The following STK32B variants were observed in gnomAD, a reference collection of about 807,000 sequenced individuals.
STK32B encodes the protein serine/threonine-protein kinase 32B.
A neutral mutation model predicts 52.6 loss-of-function variants in STK32B; 43 were observed. The ratio of observed to expected loss-of-function variants is 0.82; its 90% CI spans 0.64 to 1.05. The LOEUF (loss-of-function observed/expected upper bound fraction) is 1.05, where lower values mean the gene tolerates loss of function less well. Ranked by LOEUF, STK32B falls within the 50% of genes least tolerant of loss-of-function variation. The pLI is 0.00. For synonymous variants in STK32B, 238 were observed against 204.3 expected (o/e 1.17, Z -1.41); for missense variants, 621 against 534.6 (o/e 1.16, Z -1.59).
chr4:5,444,607 C>G (rs1014789630), intron 6 of STK32B, among the ~76,000 whole-genome samples: 1 of 152,194 alleles, frequency 6.6e-6, no homozygotes, highest in Non-Finnish European at 1.5e-5. Context: ...TGTTCCTATT[C>G]GGCCATCTTG....
chr4:5,157,159 A>T (rs1402258123), intron 2 of STK32B, among the ~76,000 whole-genome samples: 2 of 152,150 alleles, frequency 1.3e-5, no homozygotes. Context: ...ATTCTTTTAG[A>T]ATCTTATTGA....
chr4:5,430,722 T>C (rs941242401), intron 6 of STK32B, among the ~76,000 whole-genome samples: 2 of 152,240 alleles, frequency 1.3e-5, no homozygotes, highest in Non-Finnish European at 1.5e-5. Context: ...GGAGGTAGCA[T>C]TGAGTCAATC....
intron 3 of STK32B, among the ~76,000 whole-genome samples, chr4:5,239,251 C>G (rs1418646920): frequency 6.6e-6 from 1 of 150,658 alleles, no homozygotes; most frequent in African/African-American, 2.5e-5. Flanking sequence ...TGAACTAGCA[C>G]AGAGAGATAT....
At chr4:5,198,829 G>T (rs1237192682) in intron 3 of STK32B, among the ~76,000 whole-genome samples, 1 of 152,168 alleles carries the variant, frequency 6.6e-6, no homozygotes. Flanking sequence ...CACTGGTTGT[G>T]TGGCAGTCAC....
intron 1 of STK32B, among the ~76,000 whole-genome samples, chr4:5,076,552 C>G (rs1186115950): frequency 6.6e-6 from 1 of 152,134 alleles, no homozygotes; most frequent in Admixed American, 6.5e-5. Flanking sequence ...CCCTTTATTG[C>G]TGATAAACAT....
intron 2 of STK32B, 43 bp from the exon 3 acceptor site, chr4:5,168,256 T>C: frequency 6.3e-7 from 1 of 1,581,746 alleles, no homozygotes; most frequent in Non-Finnish European, 8.6e-7. Context: ...GTCTCCCTTT[T>C]CGATTGTTGG....
At chr4:5,463,177 G>A (rs954126349) in intron 9 of STK32B, among the ~76,000 whole-genome samples, 1 of 152,210 alleles carries the variant, frequency 6.6e-6, no homozygotes, top group Non-Finnish European at 1.5e-5. Context: ...AAATATGCCC[G>A]CCTTCTTCAC....
chr4:5,044,325 T>C, the STK32B span, among the ~76,000 whole-genome samples: 1 of 152,076 alleles, frequency 6.6e-6, no homozygotes, highest in African/African-American at 2.4e-5. Context: ...TAATTCCTAT[T>C]GTCAACTTCT....
At chr4:5,108,089 C>G (rs1714204039) in intron 1 of STK32B, among the ~76,000 whole-genome samples, 1 of 152,152 alleles carries the variant, frequency 6.6e-6, no homozygotes, top group African/African-American at 2.4e-5. Context: ...CCTGATTTTA[C>G]CACCATTATT....
chr4:5,269,790 TC>T (rs1018855703), intron 3 of STK32B, among the ~76,000 whole-genome samples: 13 of 151,498 alleles, frequency 8.6e-5, no homozygotes, highest in African/African-American at 3.2e-4. Flanking sequence ...ATTCTATGAG[TC>T]TAACATTATG....
the STK32B span, among the ~76,000 whole-genome samples, chr4:5,043,099 C>T: frequency 1.0e-4 from 12 of 115,116 alleles, no homozygotes; most frequent in African/African-American, 3.5e-4. Context: ...GGCGACAGAG[C>T]GAGACTCCGT....
At chr4:5,316,979 T>G (rs1348477453) in intron 3 of STK32B, among the ~76,000 whole-genome samples, 1 of 24,850 alleles carries the variant, frequency 4.0e-5, no homozygotes, top group Non-Finnish European at 5.7e-5. Context: ...ATATATATAA[T>G]ATATAATATA....
At chr4:5,488,905 T>C (rs1358413369) in intron 11 of STK32B, among the ~76,000 whole-genome samples, 3 of 152,126 alleles carry the variant, frequency 2.0e-5, no homozygotes, top group Admixed American at 1.3e-4. Flanking sequence ...ATAAAGAATA[T>C]ATTTTATGTC....
intron 1 of STK32B, among the ~76,000 whole-genome samples, chr4:5,136,052 A>G (rs1489007096): frequency 2.0e-5 from 3 of 152,216 alleles, no homozygotes; most frequent in East Asian, 3.8e-4. Flanking sequence ...GAGGTGGTAC[A>G]CACTGATCTC....
chr4:5,385,322 G>C (rs1736179014), intron 4 of STK32B, among the ~76,000 whole-genome samples: 2 of 152,106 alleles, frequency 1.3e-5, no homozygotes, highest in African/African-American at 4.8e-5. Context: ...AAGTCAGATG[G>C]GGGGATGTGC....
chr4:5,057,671 G>C (rs1353059464), intron 1 of STK32B, among the ~76,000 whole-genome samples: 1 of 152,198 alleles, frequency 6.6e-6, no homozygotes, highest in Non-Finnish European at 1.5e-5. Context: ...TGCCTCAAGA[G>C]ATAAAGGATC....
rs1400016705 is a variant in STK32B at position 5,380,312 on chromosome 4, C to T, written c.435-17895C>T. ...TTAATCCAGGCCCTCGCTTCCCTCC[C>T]AGCCCTCCTCCCGAATCTCTCCAAC... is the stretch of plus-strand genomic sequence containing the variant. On this transcript the variant is annotated intron_variant, in intron 4 of 11. Transcript: ENST00000282908. The surrounding 1 kb of genome is among the most constrained non-coding windows in gnomAD (Gnocchi z 4.3). 6.6e-6 allele frequency among the ~76,000 whole-genome samples: 1 copy of T among 152,190 alleles called. No homozygotes were observed. The highest frequency in any genetic ancestry group is 1.9e-4 in the East Asian group (1 of 5,194).
At chr4:5,107,377 A>T (rs754326328) in intron 1 of STK32B, among the ~76,000 whole-genome samples, 5 of 152,322 alleles carry the variant, frequency 3.3e-5, no homozygotes, top group Non-Finnish European at 4.4e-5. Flanking sequence ...AATGCATGTA[A>T]TGTGCTTGAG....
intron 3 of STK32B, among the ~76,000 whole-genome samples, chr4:5,279,663 T>C (rs1728064300): frequency 6.6e-6 from 1 of 152,230 alleles, no homozygotes; most frequent in Admixed American, 6.5e-5. Context: ...CTGTGTGGAC[T>C]GCCCTAATAG....
Sources: allele counts gnomAD v4.1 joint callset (sites outside exome capture counted in the v4.1 genomes callset), GRCh38; gene constraint gnomAD v4.1.1; non-coding constraint Gnocchi (gnomAD v3.1); transcripts MANE v1.5; gene names NCBI Gene and HGNC (gene_info 2026-07-23, HGNC 2026-07-21).